RSRC1: variants seen among roughly 807,000 people sequenced by gnomAD.
The protein encoded by RSRC1 is serine/Arginine-related protein 53.
In RSRC1, 39 loss-of-function variants were observed where a neutral mutation model predicts 49.1. That is an observed-to-expected ratio of 0.79 (90% CI 0.61 to 1.04). RSRC1 has a LOEUF of 1.04. RSRC1 is among the 50% of genes least tolerant of loss of function. The pLI is 0.00. For synonymous variants in RSRC1, 143 were observed against 130.8 expected (o/e 1.09, Z -0.63); for missense variants, 388 against 402.4 (o/e 0.96, Z 0.31).
At chr3:158,513,973 A>G (rs1740351296) in intron 7 of RSRC1, among the ~76,000 whole-genome samples, 1 of 152,036 alleles carries the variant, frequency 6.6e-6, no homozygotes, top group East Asian at 1.9e-4. Flanking sequence ...TATCCCCTTT[A>G]TCATTTTTTA....
chr3:158,136,802 A>G (rs1716406260), intron 3 of RSRC1: 1 of 152,130 alleles, frequency 6.6e-6, no homozygotes, highest in Non-Finnish European at 1.5e-5. Flanking sequence ...AAAATTGTGG[A>G]CGAGCAAAAC....
At chr3:158,131,303 G>C (rs1429531240) in intron 3 of RSRC1, among the ~76,000 whole-genome samples, 1 of 151,754 alleles carries the variant, frequency 6.6e-6, no homozygotes, top group African/African-American at 2.4e-5. Context: ...GCTGGTTTTT[G>C]TTAAAAGCTT....
intron 6 of RSRC1, among the ~76,000 whole-genome samples, chr3:158,421,253 A>G (rs1735033025): frequency 6.6e-6 from 1 of 151,918 alleles, no homozygotes. Flanking sequence ...GAAGATAGGC[A>G]AAGAATAGGT....
chr3:158,117,091 T>G (rs553912046), intron 1 of RSRC1, among the ~76,000 whole-genome samples: 21 of 152,270 alleles, frequency 1.4e-4, no homozygotes, highest in African/African-American at 5.1e-4. Context: ...AGGTTGAGAT[T>G]CATTTTCTCA....
At chr3:158,184,512 C>A (rs1719815474) in intron 3 of RSRC1, among the ~76,000 whole-genome samples, 1 of 152,098 alleles carries the variant, frequency 6.6e-6, no homozygotes, top group Non-Finnish European at 1.5e-5. Context: ...TTTTCAAATT[C>A]TTTCATTACC....
chr3:158,390,640 T>C (rs1269841976), intron 6 of RSRC1, among the ~76,000 whole-genome samples: 1 of 152,170 alleles, frequency 6.6e-6, no homozygotes, highest in Non-Finnish European at 1.5e-5. Context: ...TACAATAATA[T>C]TATTGTCCCT....
chr3:158,363,077 G>T (rs1731566847), intron 6 of RSRC1, among the ~76,000 whole-genome samples: 1 of 152,050 alleles, frequency 6.6e-6, no homozygotes, highest in Admixed American at 6.6e-5. Context: ...CCTTTGGATT[G>T]TACCTTATAG....
intron 4 of RSRC1, among the ~76,000 whole-genome samples, chr3:158,282,802 GA>G (rs1726259336): frequency 1.3e-5 from 2 of 152,182 alleles, no homozygotes; most frequent in African/African-American, 4.8e-5. Context: ...ACTGGTTTGA[GA>G]AGAGTTACAT....
intron 6 of RSRC1, among the ~76,000 whole-genome samples, chr3:158,375,780 G>A (rs1315692912): frequency 7.9e-5 from 12 of 151,990 alleles, no homozygotes; most frequent in Non-Finnish European, 1.5e-5. Flanking sequence ...TCTTCACTTT[G>A]GAAAATAATT....
At chr3:158,370,248 G>GAGGT (rs1731993673) in intron 6 of RSRC1, among the ~76,000 whole-genome samples, 1 of 151,898 alleles carries the variant, frequency 6.6e-6, no homozygotes, top group South Asian at 2.1e-4. Context: ...AGAAACTGAA[G>GAGGT]AGGTCTAGCA....
intron 6 of RSRC1, among the ~76,000 whole-genome samples, chr3:158,460,708 T>C (rs1737564472): frequency 6.6e-6 from 1 of 151,882 alleles, no homozygotes; most frequent in Non-Finnish European, 1.5e-5. Flanking sequence ...TTCCCTTTAG[T>C]ACAGAGATTG....
At chr3:158,112,045 G>A (rs1254811732) in intron 1 of RSRC1, among the ~76,000 whole-genome samples, 1 of 152,186 alleles carries the variant, frequency 6.6e-6, no homozygotes, top group Non-Finnish European at 1.5e-5. Flanking sequence ...GAGTTGTTGG[G>A]TGAGTTTTGC....
chr3:158,294,614 T>C (rs1375789780), intron 4 of RSRC1, among the ~76,000 whole-genome samples: 1 of 152,076 alleles, frequency 6.6e-6, no homozygotes, highest in African/African-American at 2.4e-5. Context: ...GACTTGTGCT[T>C]CTCCAGGCTA....
chr3:158,303,291 TTTC>T (rs1727666925), intron 5 of RSRC1: 1 of 152,226 alleles, frequency 6.6e-6, no homozygotes, highest in Non-Finnish European at 1.5e-5. Flanking sequence ...TTGTGGGTTG[TTTC>T]TGGCTTGAAA....
intron 3 of RSRC1, among the ~76,000 whole-genome samples, chr3:158,166,260 G>T (rs1450359272): frequency 6.6e-6 from 1 of 152,052 alleles, no homozygotes; most frequent in Admixed American, 6.6e-5. Flanking sequence ...TTTAAATAGT[G>T]TGTCATTCTT....
intron 5 of RSRC1, among the ~76,000 whole-genome samples, chr3:158,331,896 T>C (rs1208751042): frequency 1.3e-5 from 2 of 151,088 alleles, no homozygotes; most frequent in African/African-American, 4.9e-5. Context: ...TACACTACCA[T>C]ACTAATATAT....
At chr3:158,339,143 T>C (rs1472275036) in intron 5 of RSRC1, among the ~76,000 whole-genome samples, 1 of 150,378 alleles carries the variant, frequency 6.6e-6, no homozygotes, top group Non-Finnish European at 1.5e-5. Flanking sequence ...ATACAAAAAA[T>C]TAGCCGGGCG....
At chr3:158,117,768 C>T (rs1168922648) in intron 1 of RSRC1, among the ~76,000 whole-genome samples, 3 of 152,110 alleles carry the variant, frequency 2.0e-5, no homozygotes, top group African/African-American at 7.2e-5. Flanking sequence ...CTGGGACTAC[C>T]GGCTTATGCC....
intron 7 of RSRC1, among the ~76,000 whole-genome samples, chr3:158,518,218 T>G (rs1740710537): frequency 6.8e-6 from 1 of 146,106 alleles, no homozygotes; most frequent in African/African-American, 2.5e-5. Context: ...TCTGTGACCT[T>G]TTTTGGTACT....
Sources: gnomAD v4.1 joint callset for allele counts (sites outside exome capture counted in the v4.1 genomes callset) on GRCh38, gnomAD v4.1.1 for gene constraint, MANE v1.5 for transcripts, NCBI Gene and HGNC (gene_info 2026-07-23, HGNC 2026-07-21) for gene names.